Variants in FSTL5 observed in about 807,000 individuals in gnomAD.
FSTL5 encodes follistatin like 5, also known as follistatin-related protein 5.
FSTL5 carries 62 observed loss-of-function variants against 89.1 expected under a neutral mutation model. The observed-to-expected ratio is 0.70, with a 90% CI of 0.57 to 0.86. The LOEUF is 0.86. Among genes scored for constraint, FSTL5 ranks in the 40% least tolerant of loss-of-function variants. The pLI, the probability that FSTL5 is intolerant of heterozygous loss-of-function variation, is 0.00. For synonymous variants in FSTL5, 383 were observed against 346.2 expected (o/e 1.11, Z -1.18); for missense variants, 1,057 against 1,001.6 (o/e 1.06, Z -0.75).
At chr4:161,753,911 T>G (rs533108293) in intron 6 of FSTL5, among the ~76,000 whole-genome samples, 10 of 151,738 alleles carry the variant, frequency 6.6e-5, no homozygotes, top group Middle Eastern at 3.4e-3. Context: ...GCGTGGTGGC[T>G]GGCGCCTGTA....
intron 3 of FSTL5, among the ~76,000 whole-genome samples, chr4:161,983,428 A>G (rs530192873): frequency 9.2e-5 from 14 of 152,302 alleles, no homozygotes; most frequent in African/African-American, 3.4e-4. Context: ...AGACTCCTCT[A>G]AGGACGAAAG....
chr4:161,879,418 GCTTTCCCAGGCAAAGCATTAGCATA>G, intron 4 of FSTL5, among the ~76,000 whole-genome samples: 1 of 152,090 alleles, frequency 6.6e-6, no homozygotes, highest in Non-Finnish European at 1.5e-5. Context: ...TCTTCACGAT[GCTTTCCCAGGCAAAGCATTAGCATA>G]CTTTCCCAGG....
At chr4:162,046,925 G>A (rs986913223) in intron 2 of FSTL5, among the ~76,000 whole-genome samples, 1 of 151,692 alleles carries the variant, frequency 6.6e-6, no homozygotes, top group African/African-American at 2.4e-5. Flanking sequence ...CTAATTATTT[G>A]GTTTGTGAAT....
chr4:161,888,892 G>A (rs934335542), intron 4 of FSTL5, among the ~76,000 whole-genome samples: 22 of 151,770 alleles, frequency 1.4e-4, no homozygotes, highest in Admixed American at 7.2e-4. Flanking sequence ...GGATTTCTTC[G>A]TGAGTCATCT....
chr4:161,556,140 CCTT>C (rs1732383210), intron 8 of FSTL5, among the ~76,000 whole-genome samples: 1 of 151,490 alleles, frequency 6.6e-6, no homozygotes, highest in Non-Finnish European at 1.5e-5. Context: ...AGATCAAACA[CCTT>C]CTCAGCTCTT....
chr4:162,118,019 C>T (rs531618811), intron 1 of FSTL5, among the ~76,000 whole-genome samples: 10 of 152,264 alleles, frequency 6.6e-5, no homozygotes, highest in African/African-American at 2.2e-4. Context: ...TGGATCAAAA[C>T]TAGGCTTTCA....
At chr4:161,876,038 C>A (rs1354175272) in intron 4 of FSTL5, among the ~76,000 whole-genome samples, 1 of 152,166 alleles carries the variant, frequency 6.6e-6, no homozygotes, top group East Asian at 1.9e-4. Flanking sequence ...TCTAGTATAA[C>A]AACACTCATA....
At chr4:162,103,955 C>CCCTTTGGGGGA (rs1731105023) in intron 2 of FSTL5, among the ~76,000 whole-genome samples, 1 of 152,206 alleles carries the variant, frequency 6.6e-6, no homozygotes, top group Non-Finnish European at 1.5e-5. Context: ...GCAAGGGCAA[C>CCCTTTGGGGGA]CCCCTTTGGG....
At chr4:161,660,267 T>C (rs1393176939) in intron 6 of FSTL5, among the ~76,000 whole-genome samples, 1 of 152,212 alleles carries the variant, frequency 6.6e-6, no homozygotes, top group Non-Finnish European at 1.5e-5. Context: ...TTCTCATTTT[T>C]ACAACTTGGC....
At chr4:161,456,773 C>T (rs1401328980) in intron 14 of FSTL5, among the ~76,000 whole-genome samples, 1 of 152,196 alleles carries the variant, frequency 6.6e-6, no homozygotes, top group Admixed American at 6.5e-5. Flanking sequence ...TGGTTTAAGT[C>T]TAATGGCATA....
intron 12 of FSTL5, among the ~76,000 whole-genome samples, chr4:161,497,451 T>G (rs993957387): frequency 6.6e-6 from 1 of 152,060 alleles, no homozygotes; most frequent in African/African-American, 2.4e-5. Flanking sequence ...CCTTAAATTT[T>G]GAGCTGTATT....
chr4:162,036,628 G>T (rs908622566), intron 2 of FSTL5, among the ~76,000 whole-genome samples: 2 of 151,724 alleles, frequency 1.3e-5, no homozygotes. Flanking sequence ...ATATAAAGTT[G>T]AATTAACCAA....
chr4:161,846,213 G>C (rs1023321263), intron 4 of FSTL5, among the ~76,000 whole-genome samples: 1 of 151,944 alleles, frequency 6.6e-6, no homozygotes, highest in Non-Finnish European at 1.5e-5. Flanking sequence ...CTATAATGAA[G>C]TGAAATATTA....
chr4:161,728,475 G>A (rs1739497603), intron 6 of FSTL5, among the ~76,000 whole-genome samples: 2 of 152,096 alleles, frequency 1.3e-5, no homozygotes, highest in African/African-American at 2.4e-5. Context: ...AAGGAACTAA[G>A]GAAGTAATGA....
chr4:161,737,046 C>A (rs1198093158), intron 6 of FSTL5, among the ~76,000 whole-genome samples: 1 of 152,020 alleles, frequency 6.6e-6, no homozygotes, highest in Non-Finnish European at 1.5e-5. Flanking sequence ...CCCAGAGAGA[C>A]ATCAGTTAGA....
intron 5 of FSTL5, among the ~76,000 whole-genome samples, chr4:161,773,428 T>A (rs969483706): frequency 1.2e-4 from 18 of 151,840 alleles, no homozygotes; most frequent in African/African-American, 3.9e-4. Context: ...TGGGAGAAAA[T>A]CTTTGCAATC....
chr4:161,620,823 A>G lies in FSTL5; in HGVS notation c.895-33248T>C, dbSNP rs571422479. Among the ~76,000 whole-genome samples, 8 of 152,354 alleles carry G rather than the reference A, an allele frequency of 5.3e-5. No individual in the cohort carries two copies. The South Asian group carries it at 1.7e-3, about 32-fold the overall frequency. ...TCAATATTAAAATGATGAATATAAC[A>G]GAAAGATCTCATGATTTAAAATTAC... On this transcript the variant is annotated intron_variant, in intron 7 of 15. Coordinates refer to ENST00000306100, the MANE Select transcript of FSTL5 (RefSeq NM_020116.5).
intron 3 of FSTL5, among the ~76,000 whole-genome samples, chr4:161,928,371 A>G (rs1734188283): frequency 6.6e-6 from 1 of 151,824 alleles, no homozygotes. Flanking sequence ...TGCTATAAAT[A>G]TTTATGTACA....
At chr4:161,797,316 A>G (rs1729661221) in intron 4 of FSTL5, among the ~76,000 whole-genome samples, 1 of 151,622 alleles carries the variant, frequency 6.6e-6, no homozygotes, top group Non-Finnish European at 1.5e-5. Flanking sequence ...AAGAATATTG[A>G]AGATTCATAT....
Sources: gnomAD v4.1 joint callset for allele counts (sites outside exome capture counted in the v4.1 genomes callset) on GRCh38, gnomAD v4.1.1 for gene constraint, MANE v1.5 for transcripts, NCBI Gene and HGNC (gene_info 2026-07-23, HGNC 2026-07-21) for gene names.